The following WDFY3 variants were observed in gnomAD, a reference collection of about 807,000 sequenced individuals.
The protein encoded by WDFY3 is WD repeat and FYVE domain-containing protein 3.
WDFY3 carries 66 observed loss-of-function variants against 409.6 expected under a neutral mutation model. That is an observed-to-expected ratio of 0.16 (90% CI 0.13 to 0.20). The LOEUF (loss-of-function observed/expected upper bound fraction) is 0.20, where lower values mean the gene tolerates loss of function less well. WDFY3 is among the 10% of genes least tolerant of loss of function. The pLI is 1.00. For missense variants in WDFY3, 3,031 were observed against 4,298.1 expected, an observed-to-expected ratio of 0.71 and a Z score of 8.24; for synonymous variants, 1,521 against 1,537.1, an observed-to-expected ratio of 0.99 and a Z score of 0.25.
chr4:84,719,115 T>G (rs1734430825), intron 47 of WDFY3, among the ~76,000 whole-genome samples: 1 of 152,152 alleles, frequency 6.6e-6, no homozygotes, highest in South Asian at 2.1e-4. Context: ...GAAAAATAAG[T>G]GAGATAATGT....
chr4:84,754,684 T>TA (rs1741128755), intron 34 of WDFY3, among the ~76,000 whole-genome samples: 2 of 152,302 alleles, frequency 1.3e-5, no homozygotes, highest in South Asian at 4.1e-4. Flanking sequence ...ATCTCTAAGT[T>TA]AGACATAATT....
At chr4:84,810,528 T>C (rs1452415016) in intron 13 of WDFY3, 184 bp from the exon 14 acceptor site, 1 of 516,780 alleles carries the variant, frequency 1.9e-6, no homozygotes, top group Non-Finnish European at 3.3e-6. Context: ...CATTAAATGC[T>C]GAAGGTAATT....
chr4:84,890,984 C>T (rs1455474637), intron 3 of WDFY3, among the ~76,000 whole-genome samples: 1 of 152,110 alleles, frequency 6.6e-6, no homozygotes, highest in African/African-American at 2.4e-5. Context: ...TGCCACAAAA[C>T]ATTATTTTTC....
chr4:84,956,228 T>C (rs139544882), intron 1 of WDFY3, among the ~76,000 whole-genome samples: 149 of 152,274 alleles, frequency 9.8e-4, no homozygotes, highest in African/African-American at 3.4e-3. Context: ...ACATACCAAT[T>C]ACAACATGTC....
chr4:84,911,615 A>C (rs1244673179), intron 2 of WDFY3, among the ~76,000 whole-genome samples: 1 of 152,240 alleles, frequency 6.6e-6, no homozygotes, highest in Non-Finnish European at 1.5e-5. Flanking sequence ...GAATTTTCTC[A>C]ATAAATATAT....
intron 16 of WDFY3, among the ~76,000 whole-genome samples, chr4:84,802,344 C>T (rs757357773): frequency 3.4e-5 from 5 of 149,082 alleles, no homozygotes; most frequent in Non-Finnish European, 7.5e-5. Flanking sequence ...ACTGCAACCT[C>T]CGCCTCCTGG....
chr4:84,794,588 C>T lies in WDFY3; in HGVS notation c.3418G>A (p.Ala1140Thr). Residue 1140 changes from alanine to threonine, a missense_variant, in exon 21 of 68, where the codon GCA becomes ACA. Ala to Thr is a moderately conservative substitution (Grantham distance 58, BLOSUM62 0). This residue lies in a region of WDFY3 where 1,322 missense variants were observed against 1,697.9 expected (regional missense o/e 0.78). Transcript: ENST00000295888. ...CGGTCTTTTGCTGATAGAACTATTG[C>T]AAGGCACACGTAATGTTGCTCAGAA... ...NSSEQHYVCLAIVLSAKDRSL... is the reference protein window; with the variant it reads ...NSSEQHYVCLTIVLSAKDRSL... The T allele has an allele frequency of 6.2e-7, 1 of 1,613,940 alleles. No individual in the cohort carries two copies. Among genetic ancestry groups the T allele is most frequent in the Non-Finnish European group, 8.5e-7 (1 of 1,179,992 alleles).
At chr4:84,726,742 C>G in intron 45 of WDFY3, 119 bp downstream of exon 45, 1 of 858,708 alleles carries the variant, frequency 1.2e-6, no homozygotes, top group Non-Finnish European at 1.7e-6. Flanking sequence ...ATAGGAAGAA[C>G]AAATTGAAAG....
intron 36 of WDFY3, among the ~76,000 whole-genome samples, chr4:84,744,565 A>T (rs1739023851): frequency 6.6e-6 from 1 of 152,160 alleles, no homozygotes; most frequent in African/African-American, 2.4e-5. Context: ...TAAAAAAAGT[A>T]AGAAGGGGCC....
In WDFY3 at chr4:84,836,974, T is replaced by C. The variant is rs1756663135; in HGVS notation, c.531A>G (p.Leu177=). The change falls in exon 7 of 68, where the codon CTA becomes CTG. Residue 177 remains leucine (L), a synonymous_variant. Transcript: ENST00000295888. ...GTAGTCCTCGACGTTCTGCTAGAGG[T>C]AGCTCATTCTGTGCACCTCCAACTG... ...PEAVGGAQNE[L]PLAERRGLLQ... is the part of the protein sequence containing the mutation. 1 of 1,594,588 alleles carries C rather than the reference T, an allele frequency of 6.3e-7. No individual in the cohort carries two copies. The highest frequency in any genetic ancestry group is 8.5e-7 in the Non-Finnish European group (1 of 1,170,730).
chr4:84,899,365 A>G (rs1392379909), intron 2 of WDFY3, among the ~76,000 whole-genome samples: 1 of 152,258 alleles, frequency 6.6e-6, no homozygotes, highest in Non-Finnish European at 1.5e-5. Flanking sequence ...TGCGTGAACT[A>G]TAACGTCTGA....
At chr4:84,733,807 A>G (rs1460337988) in intron 43 of WDFY3, among the ~76,000 whole-genome samples, 198 bp from the exon 44 acceptor site, 3 of 152,358 alleles carry the variant, frequency 2.0e-5, no homozygotes, top group South Asian at 2.1e-4. Context: ...TTCTTAAAGC[A>G]TCAAGTAAAT....
Position 84,691,889 on chromosome 4 carries a change from G to A in WDFY3, c.9050-104C>T, listed in dbSNP as rs539220366. The A allele has an allele frequency of 1.0e-4, 116 of 1,126,592 alleles. 3 individuals carry two copies. The South Asian group carries it at 2.2e-3, about 21-fold the overall frequency. The allele number at this position is 1,126,592 out of a possible 1,614,324, so 69.8% of individuals were successfully genotyped here. Reference sequence around the variant, plus strand: ...AATATTCATATAAATCAAGCATCCTGATACCTACGTTGAGAAAAAATGATC... The same window carrying A: ...AATATTCATATAAATCAAGCATCCTAATACCTACGTTGAGAAAAAATGATC... On this transcript the variant is annotated intron_variant, in intron 59 of 67. Coordinates refer to ENST00000295888, the MANE Select transcript of WDFY3 (RefSeq NM_014991.6).
chr4:84,847,008 C>A (rs543353495), intron 5 of WDFY3, among the ~76,000 whole-genome samples: 1 of 151,904 alleles, frequency 6.6e-6, no homozygotes, highest in African/African-American at 2.4e-5. Flanking sequence ...ACTATGTGGG[C>A]CCTAGACCAG....
chr4:84,679,306 T>C (rs1181542745), intron 64 of WDFY3, 64 bp from the exon 65 acceptor site: 10 of 1,411,602 alleles, frequency 7.1e-6, no homozygotes, highest in Admixed American at 5.9e-5. Context: ...AGCTTTGTTC[T>C]GCTAGTATTT....
intron 3 of WDFY3, among the ~76,000 whole-genome samples, chr4:84,881,917 G>T (rs1161255413): frequency 6.6e-6 from 1 of 151,858 alleles, no homozygotes; most frequent in Non-Finnish European, 1.5e-5. Context: ...CTATTATTAA[G>T]ATCTACTTTT....
intron 56 of WDFY3, among the ~76,000 whole-genome samples, chr4:84,701,051 G>A (rs935516129): frequency 6.6e-6 from 1 of 152,200 alleles, no homozygotes; most frequent in Non-Finnish European, 1.5e-5. Context: ...CGGAGGTTGC[G>A]ATGAACAGAG....
intron 36 of WDFY3, 152 bp from the exon 37 acceptor site, chr4:84,743,951 C>G: frequency 2.6e-6 from 1 of 383,284 alleles, no homozygotes. Context: ...ACATGCTATG[C>G]TTATGGTCTT....
At chr4:84,760,307 T>C (rs1162123540) in intron 32 of WDFY3, among the ~76,000 whole-genome samples, 3 of 152,168 alleles carry the variant, frequency 2.0e-5, no homozygotes, top group Non-Finnish European at 2.9e-5. Context: ...ATCAGGATGA[T>C]GCTGGCCTCA....
Sources: allele counts gnomAD v4.1 joint callset (sites outside exome capture counted in the v4.1 genomes callset), GRCh38; gene constraint gnomAD v4.1.1; regional missense constraint gnomAD v4.1.1; transcripts MANE v1.5; gene names NCBI Gene and HGNC (gene_info 2026-07-23, HGNC 2026-07-21).